OTUD7B: variants seen among roughly 807,000 people sequenced by gnomAD.
OTUD7B encodes the protein OTU deubiquitinase 7B.
A neutral mutation model predicts 82.2 loss-of-function variants in OTUD7B; 34 were observed. The ratio of observed to expected loss-of-function variants is 0.41; its 90% CI spans 0.31 to 0.55. The LOEUF (loss-of-function observed/expected upper bound fraction) is 0.55, where lower values mean the gene tolerates loss of function less well. Among genes scored for constraint, OTUD7B ranks in the 20% least tolerant of loss-of-function variants. The pLI, the probability that OTUD7B is intolerant of heterozygous loss-of-function variation, is 0.20. For synonymous variants in OTUD7B, 398 were observed against 402.7 expected (o/e 0.99, Z 0.14); for missense variants, 944 against 1,062.1 (o/e 0.89, Z 1.55).
chr1:149,960,831 G>A (rs587738831), intron 6 of OTUD7B: 2 of 151,058 alleles, frequency 1.3e-5, no homozygotes, highest in Non-Finnish European at 2.9e-5. Context: ...TTAGTGAATA[G>A]CACCAACTAT....
intron 1 of OTUD7B, among the ~76,000 whole-genome samples, chr1:150,002,902 T>C (rs1553785208): frequency 6.6e-6 from 1 of 152,188 alleles, no homozygotes; most frequent in African/African-American, 2.4e-5. Context: ...ACCACTGACA[T>C]AATCTTTCTA....
intron 11 of OTUD7B, among the ~76,000 whole-genome samples, chr1:149,946,286 C>T (rs587774974): frequency 2.6e-5 from 4 of 151,740 alleles, no homozygotes; most frequent in Non-Finnish European, 5.9e-5. Context: ...TCGCTTGAAC[C>T]CAAGAGGTGG....
In OTUD7B at chr1:149,947,351, A is replaced by C. The variant is rs1647835065; in HGVS notation, c.1239-16T>G. The C allele has an allele frequency of 6.8e-7, 1 of 1,480,110 alleles. No individual in the cohort carries two copies. The highest frequency in any genetic ancestry group is 9.4e-7 in the Non-Finnish European group (1 of 1,058,500). 91.7% of individuals were successfully genotyped at this position (1,480,110 alleles called of 1,614,324 possible). A position where few individuals can be genotyped will look rare whatever the true frequency, so the allele number is the denominator to read the frequency against. On this transcript the variant is annotated splice_polypyrimidine_tract_variant and intron_variant, in intron 10 of 11. Coordinates refer to ENST00000581312, the MANE Select transcript of OTUD7B (RefSeq NM_020205.4). ...CAGAATTACACTATGAAAAAGAGAA[A>C]AAACAAATTACTGTCACCTTTTAAA...
intron 1 of OTUD7B, among the ~76,000 whole-genome samples, chr1:149,992,855 T>C (rs1469427508): frequency 2.0e-5 from 3 of 152,100 alleles, no homozygotes; most frequent in Non-Finnish European, 4.4e-5. Context: ...TACTTCTCCT[T>C]AGCCAAAAGT....
Position 149,944,028 on chromosome 1 carries a change from TCCATCTGGCTCAGGGGGCTCTCTGTAG to T in OTUD7B, c.2334_2360del (p.Tyr779_Gly787del). On this transcript the variant is annotated inframe_deletion, in exon 12 of 12. Transcript: ENST00000581312. The stretch of plus-strand genomic sequence containing the variant: ...GAAGGCCCCGGAGACCTCCAGCCCA[TCCATCTGGCTCAGGGGGCTCTCTGTAG>T]CCATTGCTATAGGAATCAGCCACTC... 5 of 1,614,180 alleles carry T rather than the reference TCCATCTGGCTCAGGGGGCTCTCTGTAG, an allele frequency of 3.1e-6. No homozygotes were observed. Among genetic ancestry groups the T allele is most frequent in the Non-Finnish European group, 3.4e-6 (4 of 1,180,010 alleles).
At chr1:150,028,935 T>C in the OTUD7B span, among the ~76,000 whole-genome samples, 1 of 152,218 alleles carries the variant, frequency 6.6e-6, no homozygotes, top group Non-Finnish European at 1.5e-5. Context: ...GGTTCATCCA[T>C]ATTGTAGCAT....
chr1:150,058,467 T>C, the OTUD7B span, among the ~76,000 whole-genome samples: 2 of 152,186 alleles, frequency 1.3e-5, no homozygotes, highest in South Asian at 2.1e-4. Flanking sequence ...CGAGTTATGA[T>C]TGTAGCACTG....
In OTUD7B at chr1:149,942,726, T is replaced by C. The variant is rs1382380528; in HGVS notation, c.*1131A>G. ...TATGGCTTAACAAAAGAAGCCGGGA[T>C]GTTAAGTTCATTCTCCAAAAGTAGA... On this transcript the variant is annotated 3_prime_UTR_variant, in exon 12 of 12. Transcript: ENST00000581312. The C allele has an allele frequency of 6.6e-6, 1 of 152,624 alleles. No individual in the cohort carries two copies. The highest frequency in any genetic ancestry group is 2.4e-5 in the African/African-American group (1 of 41,432). 9.5% of individuals were successfully genotyped at this position (152,624 alleles called of 1,614,324 possible). A position where few individuals can be genotyped will look rare whatever the true frequency, so the allele number is the denominator to read the frequency against.
the OTUD7B span, among the ~76,000 whole-genome samples, chr1:150,055,721 A>C: frequency 3.3e-5 from 5 of 152,250 alleles, no homozygotes; most frequent in Admixed American, 1.3e-4. Flanking sequence ...GAACAAGATC[A>C]TGTCTTTTGC....
At chr1:150,041,221 G>A in the OTUD7B span, among the ~76,000 whole-genome samples, 4 of 151,796 alleles carry the variant, frequency 2.6e-5, no homozygotes, top group East Asian at 1.9e-4. Flanking sequence ...AATTTCACCC[G>A]AATTTTAAAT....
At chr1:150,064,172 C>A in the OTUD7B span, among the ~76,000 whole-genome samples, 1 of 152,106 alleles carries the variant, frequency 6.6e-6, no homozygotes, top group Non-Finnish European at 1.5e-5. Context: ...TTACTATGCA[C>A]CAGGCACTGT....
chr1:149,967,252 G>T, intron 4 of OTUD7B, 42 bp downstream of exon 4: 1 of 1,403,712 alleles, frequency 7.1e-7, no homozygotes, highest in Non-Finnish European at 1.0e-6. Context: ...CCTGTAGGTG[G>T]AGAGTAGAGG....
chr1:149,988,239 C>T (rs1651292245), intron 1 of OTUD7B, among the ~76,000 whole-genome samples: 1 of 152,030 alleles, frequency 6.6e-6, no homozygotes, highest in East Asian at 1.9e-4. Context: ...TAACCACTCC[C>T]AAAACAATTT....
At chr1:150,041,827 A>T in the OTUD7B span, among the ~76,000 whole-genome samples, 1 of 152,042 alleles carries the variant, frequency 6.6e-6, no homozygotes, top group Non-Finnish European at 1.5e-5. Flanking sequence ...CAACTTTTAA[A>T]AGAGTTGTTT....
intron 10 of OTUD7B, among the ~76,000 whole-genome samples, chr1:149,948,216 T>C (rs967415814): frequency 1.3e-5 from 2 of 151,330 alleles, no homozygotes; most frequent in East Asian, 4.0e-4. Context: ...CGACCTCAGG[T>C]GATCTGCCTG....
the OTUD7B span, among the ~76,000 whole-genome samples, chr1:150,031,883 T>A: frequency 6.6e-6 from 1 of 152,240 alleles, no homozygotes; most frequent in Admixed American, 6.5e-5. Flanking sequence ...TTTGCTATTA[T>A]TGTTTTGGCA....
chr1:150,033,442 C>A, the OTUD7B span, among the ~76,000 whole-genome samples: 9 of 152,098 alleles, frequency 5.9e-5, no homozygotes, highest in Admixed American at 1.3e-4. Flanking sequence ...AGGCAATAAT[C>A]CTAACTATAG....
At chr1:150,010,087 C>T (rs1553787009) in intron 1 of OTUD7B, among the ~76,000 whole-genome samples, 1 of 152,016 alleles carries the variant, frequency 6.6e-6, no homozygotes. Flanking sequence ...GAACTTTATC[C>T]TACTGTGGGG....
the OTUD7B span, among the ~76,000 whole-genome samples, chr1:150,059,072 G>A: frequency 2.9e-5 from 1 of 34,866 alleles, no homozygotes; most frequent in Admixed American, 3.5e-4. Flanking sequence ...TTTTTTTTTT[G>A]TGACGGAGTC....
Sources: allele counts gnomAD v4.1 joint callset (sites outside exome capture counted in the v4.1 genomes callset), GRCh38; gene constraint gnomAD v4.1.1; transcripts MANE v1.5; gene names NCBI Gene and HGNC (gene_info 2026-07-23, HGNC 2026-07-21).